The following GPHN variants were observed in gnomAD, a reference collection of about 807,000 sequenced individuals.
The protein encoded by GPHN is gephyrin.
In GPHN, 17 loss-of-function variants were observed where a neutral mutation model predicts 95.5. That is an observed-to-expected ratio of 0.18 (90% confidence interval 0.12 to 0.27). The LOEUF (loss-of-function observed/expected upper bound fraction) is 0.27. Ranked by LOEUF, GPHN falls within the 10% of genes least tolerant of loss-of-function variation. The probability of loss-of-function intolerance (pLI) is 1.00; values close to 1 mark genes in which losing one functional copy is unlikely to be tolerated. For synonymous variants in GPHN, 320 were observed against 322.5 expected, an observed-to-expected ratio of 0.99 and a Z score of 0.08; for missense variants, 660 against 978.1, an observed-to-expected ratio of 0.67 and a Z score of 4.34.
At chr14:67,651,909 T>G in the GPHN span, among the ~76,000 whole-genome samples, 2 of 152,212 alleles carry the variant, frequency 1.3e-5, no homozygotes, top group African/African-American at 4.8e-5. Context: ...CCCTTTGCTC[T>G]CCTATCAACC....
At chr14:67,110,492 T>A (rs2078304828) in intron 14 of GPHN, among the ~76,000 whole-genome samples, 2 of 152,226 alleles carry the variant, frequency 1.3e-5, no homozygotes, top group African/African-American at 4.8e-5. Context: ...ATTGCTGTTA[T>A]AGCAGAATTT....
chr14:66,540,128 C>T (rs966834053), intron 1 of GPHN, among the ~76,000 whole-genome samples: 2 of 152,204 alleles, frequency 1.3e-5, no homozygotes, highest in Non-Finnish European at 2.9e-5. Flanking sequence ...TTCATGTTGG[C>T]TGAAGGTTGG....
the GPHN span, among the ~76,000 whole-genome samples, chr14:67,307,679 C>G: frequency 2.0e-5 from 3 of 152,034 alleles, no homozygotes; most frequent in Admixed American, 2.0e-4. Flanking sequence ...TAAAAACTTG[C>G]TTGGTGCTAT....
chr14:66,944,487 C>T (rs1265130706), intron 8 of GPHN, among the ~76,000 whole-genome samples: 1 of 152,180 alleles, frequency 6.6e-6, no homozygotes, highest in African/African-American at 2.4e-5. Context: ...TTGGTTACAG[C>T]TTAAGGCCAA....
intron 9 of GPHN, among the ~76,000 whole-genome samples, chr14:66,975,520 G>C (rs1410186642): frequency 6.6e-6 from 1 of 152,144 alleles, no homozygotes; most frequent in African/African-American, 2.4e-5. Flanking sequence ...TAACAAGCTT[G>C]AGTGTGTAAA....
intron 11 of GPHN, among the ~76,000 whole-genome samples, chr14:67,065,484 T>C (rs1192212288): frequency 1.3e-5 from 2 of 152,192 alleles, no homozygotes; most frequent in African/African-American, 4.8e-5. Context: ...GTCCTGGATA[T>C]CCTTGTTAAC....
chr14:67,166,055 T>C (rs1451704945), intron 20 of GPHN, among the ~76,000 whole-genome samples: 1 of 152,208 alleles, frequency 6.6e-6, no homozygotes. Flanking sequence ...GATTTACAAA[T>C]CTCATGGCTT....
At chr14:67,483,406 GC>G in the GPHN span, among the ~76,000 whole-genome samples, 2 of 152,148 alleles carry the variant, frequency 1.3e-5, no homozygotes, top group East Asian at 1.9e-4. Flanking sequence ...ACACTGCACT[GC>G]CCCCGAGGCT....
chr14:66,903,637 A>T (rs2065230133), intron 5 of GPHN, among the ~76,000 whole-genome samples: 1 of 152,154 alleles, frequency 6.6e-6, no homozygotes, highest in Admixed American at 6.5e-5. Flanking sequence ...GAGTTAATTT[A>T]CATTAAATGT....
rs555569579 is a variant in GPHN, at chr14:66,895,346, C to T, written c.389+15313C>T. ...ACACAGGAAAGGGAACGTCACACAC[C>T]GGGGCCTGTTGTGGGATGCGGGGAG... On this transcript the variant is annotated intron_variant, in intron 5 of 22. Coordinates refer to ENST00000478722, the MANE Select transcript of GPHN (RefSeq NM_020806.5). 3.9e-3 allele frequency among the ~76,000 whole-genome samples: 593 copies of T among 152,000 alleles called. 5 individuals are homozygous for T. The highest frequency in any genetic ancestry group is 0.014 in the African/African-American group (569 of 41,370).
chr14:67,491,391 C>T, the GPHN span, among the ~76,000 whole-genome samples: 3 of 152,222 alleles, frequency 2.0e-5, no homozygotes, highest in Admixed American at 2.0e-4. Flanking sequence ...TTCTAATCCT[C>T]TAAGCATTTG....
intron 12 of GPHN, among the ~76,000 whole-genome samples, chr14:67,090,058 C>G (rs189164795): frequency 1.3e-5 from 2 of 152,166 alleles, no homozygotes; most frequent in Admixed American, 1.3e-4. Context: ...AAAATCTACT[C>G]TCTTAGTGAT....
At chr14:66,840,751 A>C (rs1212259361) in intron 4 of GPHN, among the ~76,000 whole-genome samples, 2 of 151,736 alleles carry the variant, frequency 1.3e-5, no homozygotes, top group Non-Finnish European at 2.9e-5. Context: ...AAAAAAAAAA[A>C]AAACAGGAAA....
the GPHN span, among the ~76,000 whole-genome samples, chr14:67,443,098 G>A: frequency 1.3e-5 from 2 of 152,106 alleles, no homozygotes; most frequent in African/African-American, 4.8e-5. Context: ...GCACATGCCT[G>A]TAGTCCCAGC....
chr14:67,339,204 G>A, the GPHN span, among the ~76,000 whole-genome samples: 1 of 152,026 alleles, frequency 6.6e-6, no homozygotes, highest in East Asian at 1.9e-4. Context: ...TCACCATCTT[G>A]GCCAGGCTGG....
chr14:67,383,764 T>A, the GPHN span: 1 of 310,656 alleles, frequency 3.2e-6, no homozygotes, highest in Non-Finnish European at 6.3e-6. Context: ...GTTCAATGCC[T>A]CACGAGATTT....
chr14:67,522,722 T>C, the GPHN span, among the ~76,000 whole-genome samples: 1 of 152,270 alleles, frequency 6.6e-6, no homozygotes, highest in Middle Eastern at 3.4e-3. Flanking sequence ...GTCAAAAGGT[T>C]TCTCCCATAG....
chr14:66,926,210 AT>A (rs903172910), intron 8 of GPHN, among the ~76,000 whole-genome samples: 1 of 151,852 alleles, frequency 6.6e-6, no homozygotes, highest in African/African-American at 2.4e-5. Flanking sequence ...CATTTTCTTG[AT>A]TGTTTCCTTT....
At chr14:67,377,981 C>T in the GPHN span, among the ~76,000 whole-genome samples, 3 of 151,720 alleles carry the variant, frequency 2.0e-5, no homozygotes, top group Non-Finnish European at 4.4e-5. Flanking sequence ...GGTGTGGTAG[C>T]ATTTGCCTGT....
Sources: allele counts gnomAD v4.1 joint callset (sites outside exome capture counted in the v4.1 genomes callset), GRCh38; gene constraint gnomAD v4.1.1; transcripts MANE v1.5; gene names NCBI Gene and HGNC (gene_info 2026-07-23, HGNC 2026-07-21).